ORC3: variants seen among roughly 807,000 people sequenced by gnomAD.
The protein encoded by ORC3 is homolog of latheo, Drosophila.
A neutral mutation model predicts 100.7 loss-of-function variants in ORC3; 78 were observed. That is an observed-to-expected ratio of 0.77 (90% CI 0.65 to 0.94). The LOEUF (loss-of-function observed/expected upper bound fraction) is 0.94, where lower values mean the gene tolerates loss of function less well. ORC3 is among the 40% of genes least tolerant of loss of function. The probability of loss-of-function intolerance (pLI) is 0.00; values close to 1 mark genes in which losing one functional copy is unlikely to be tolerated. For missense variants in ORC3, 789 were observed against 823.9 expected (o/e 0.96, Z 0.52); for synonymous variants, 295 against 289.3 (o/e 1.02, Z -0.20).
Position 87,590,193 on chromosome 6 carries a change from G to A in ORC3, c.24+1G>A, listed in dbSNP as rs1299353603. The A allele has an allele frequency of 6.2e-7, 1 of 1,613,970 alleles. No homozygotes were observed. Among genetic ancestry groups the A allele is most frequent in the South Asian group, 1.1e-5 (1 of 91,090 alleles). On this transcript the variant is annotated splice_donor_variant, in intron 1 of 19. Transcript: ENST00000392844. LOFTEE classifies it high-confidence loss of function. Reference sequence around the variant, plus strand: ...CATGGCTACGTCCTCGATGTCTAAGGTATGTGGTGGCCGATGCGCACTGTG... The same window carrying A: ...CATGGCTACGTCCTCGATGTCTAAGATATGTGGTGGCCGATGCGCACTGTG...
downstream of ORC3, among the ~76,000 whole-genome samples, chr6:87,672,191 C>A (rs1770848361): frequency 6.6e-6 from 1 of 151,856 alleles, no homozygotes; most frequent in Admixed American, 6.6e-5. Flanking sequence ...GTTTGAATTT[C>A]TTTTCCTAAT....
intron 11 of ORC3, among the ~76,000 whole-genome samples, chr6:87,624,335 T>G (rs1248011864): frequency 6.6e-6 from 1 of 152,000 alleles, no homozygotes; most frequent in African/African-American, 2.4e-5. Flanking sequence ...AATACAAAAA[T>G]TAGCCGGGCA....
the ORC3 span, chr6:87,675,688 C>A: frequency 1.3e-6 from 2 of 1,567,178 alleles, no homozygotes; most frequent in East Asian, 2.3e-5. Flanking sequence ...CCCAATTTTG[C>A]CCCTAGGTAT....
chr6:87,616,721 C>T (rs985796507), intron 9 of ORC3, among the ~76,000 whole-genome samples: 1 of 151,858 alleles, frequency 6.6e-6, no homozygotes, highest in Admixed American at 6.6e-5. Flanking sequence ...CTCATGAGAG[C>T]TTATGGACTT....
At chr6:87,601,679 A>C (rs1227815159) in intron 2 of ORC3, 105 bp from the exon 3 acceptor site, 1 of 692,464 alleles carries the variant, frequency 1.4e-6, no homozygotes, top group Non-Finnish European at 2.5e-6. Context: ...ATCAAAAAAA[A>C]AAAAAATTTC....
At chr6:87,608,613 T>C (rs1778517968) in intron 6 of ORC3, among the ~76,000 whole-genome samples, 1 of 152,202 alleles carries the variant, frequency 6.6e-6, no homozygotes, top group South Asian at 2.1e-4. Flanking sequence ...AAAATGCTAC[T>C]TTTGGTTTAT....
chr6:87,637,397 C>A (rs575180877), intron 13 of ORC3, among the ~76,000 whole-genome samples: 64 of 152,222 alleles, frequency 4.2e-4, no homozygotes, highest in Non-Finnish European at 7.2e-4. Context: ...AAATACCTCC[C>A]CATGGAAACT....
At chr6:87,645,753 T>C (rs1004199611) in intron 13 of ORC3, among the ~76,000 whole-genome samples, 1 of 150,146 alleles carries the variant, frequency 6.7e-6, no homozygotes, top group African/African-American at 2.5e-5. Flanking sequence ...TGGCTTTCTG[T>C]ATGATGAAGC....
chr6:87,617,620 G>T (rs7741825), intron 9 of ORC3, among the ~76,000 whole-genome samples: 1 of 151,716 alleles, frequency 6.6e-6, no homozygotes, highest in African/African-American at 2.4e-5. Context: ...TAGAGTCCCA[G>T]GTCCTCGGGA....
chr6:87,661,467 G>A (rs1469071673), intron 16 of ORC3, among the ~76,000 whole-genome samples: 2 of 152,180 alleles, frequency 1.3e-5, no homozygotes, highest in African/African-American at 4.8e-5. Context: ...CTCTTGAGAT[G>A]GGGGAGAAAA....
At chr6:87,642,287 G>A (rs531354448) in intron 13 of ORC3, among the ~76,000 whole-genome samples, 2 of 152,132 alleles carry the variant, frequency 1.3e-5, no homozygotes, top group Admixed American at 6.5e-5. Context: ...GTGAAACCCT[G>A]TCTCAAAAAA....
chr6:87,618,429 A>AAAG (rs563030623), intron 9 of ORC3, among the ~76,000 whole-genome samples: 1 of 151,832 alleles, frequency 6.6e-6, no homozygotes, highest in African/African-American at 2.4e-5. Flanking sequence ...AAAAAAAAAA[A>AAAG]GAAATCTCTG....
chr6:87,598,658 C>CTT (rs559954997), intron 2 of ORC3, among the ~76,000 whole-genome samples: 4 of 130,454 alleles, frequency 3.1e-5, no homozygotes, highest in South Asian at 2.4e-4. Flanking sequence ...GTTTGCTAGG[C>CTT]TTTTTTTTTT....
intron 9 of ORC3, among the ~76,000 whole-genome samples, chr6:87,620,663 T>C (rs1275764546): frequency 6.6e-6 from 1 of 152,206 alleles, no homozygotes; most frequent in African/African-American, 2.4e-5. Flanking sequence ...ATTTGCATAG[T>C]CTTGCAAGTT....
At chr6:87,654,015 T>A (rs1169235903) in intron 14 of ORC3, among the ~76,000 whole-genome samples, 1 of 152,200 alleles carries the variant, frequency 6.6e-6, no homozygotes, top group Non-Finnish European at 1.5e-5. Flanking sequence ...ATAAAATATA[T>A]TGGTGTGTAC....
rs753828103 is a variant in ORC3, at chr6:87,605,965, C to T, written c.371C>T (p.Ala124Val). 3.1e-6 allele frequency: 5 copies of T among 1,610,440 alleles called. No homozygotes were observed. The Admixed American group carries it at 8.3e-5, about 27-fold the overall frequency. ...TTGACATTCGGAAGTCTAACAGAGG[C>T]CCTTCAGAATAATGTCACACCATAT... Reference protein sequence around the residue: ...HDLTFGSLTEALQNNVTPYVV... With the variant: ...HDLTFGSLTEVLQNNVTPYVV... The change falls in exon 5 of 20, where the codon GCC becomes GTC. Residue 124 changes from alanine (A) to valine (V), a missense_variant. Around this residue, in one of 3 missense-constraint regions of ORC3, gnomAD observed 399 missense variants for 382.0 expected, o/e 1.04. Coordinates refer to ENST00000392844, the MANE Select transcript of ORC3 (RefSeq NM_012381.4).
chr6:87,660,482 G>A (rs1172501614), intron 16 of ORC3, among the ~76,000 whole-genome samples: 1 of 152,196 alleles, frequency 6.6e-6, no homozygotes, highest in Admixed American at 6.5e-5. Context: ...CCACACCACA[G>A]ATGTCTGGGC....
the ORC3 span, chr6:87,677,666 A>G: frequency 3.5e-5 from 31 of 893,240 alleles, no homozygotes; most frequent in Non-Finnish European, 4.6e-5. Flanking sequence ...GGCATGAGCT[A>G]TAAGAAGGTT....
chr6:87,667,853 CG>C (rs918593948), downstream of ORC3, among the ~76,000 whole-genome samples: 2 of 152,012 alleles, frequency 1.3e-5, no homozygotes, highest in Non-Finnish European at 2.9e-5. Flanking sequence ...TGCTCGAACC[CG>C]GGAGGCGGAG....
Sources: gnomAD v4.1 joint callset for allele counts (sites outside exome capture counted in the v4.1 genomes callset) on GRCh38, gnomAD v4.1.1 for gene constraint, gnomAD v4.1.1 regional missense constraint, MANE v1.5 for transcripts, NCBI Gene and HGNC (gene_info 2026-07-23, HGNC 2026-07-21) for gene names.